The following PKHD1 variants were observed in gnomAD, a reference collection of about 807,000 sequenced individuals.
PKHD1 encodes the protein fibrocystin.
PKHD1 carries 291 observed loss-of-function variants against 412.0 expected under a neutral mutation model. That is an observed-to-expected ratio of 0.71 (90% CI 0.64 to 0.78). The LOEUF is 0.78. Ranked by LOEUF, PKHD1 falls within the 30% of genes least tolerant of loss-of-function variation. PKHD1 has a pLI of 0.00. For synonymous variants in PKHD1, 1,777 were observed against 1,821.5 expected, an observed-to-expected ratio of 0.98 and a Z score of 0.62; for missense variants, 4,825 against 4,950.7, an observed-to-expected ratio of 0.97 and a Z score of 0.76.
At chr6:51,680,962 C>G (rs17740574) in intron 60 of PKHD1, among the ~76,000 whole-genome samples, 4,851 of 151,906 alleles carry the variant, frequency 0.032, 83 homozygotes, top group Non-Finnish European at 0.039. Flanking sequence ...AGTTAAAAAT[C>G]GGTTGGTTGT....
chr6:51,877,028 T>A (rs1776723703), intron 46 of PKHD1, among the ~76,000 whole-genome samples: 1 of 38,768 alleles, frequency 2.6e-5, no homozygotes. Context: ...GGCCATTACA[T>A]AATGGTGAAG....
intron 49 of PKHD1, among the ~76,000 whole-genome samples, chr6:51,853,061 C>G (rs1393863523): frequency 6.6e-6 from 1 of 151,936 alleles, no homozygotes; most frequent in Non-Finnish European, 1.5e-5. Context: ...TTTTTCCTTT[C>G]CATATTTAGT....
intron 66 of PKHD1, 59 bp from the exon 67 acceptor site, chr6:51,619,579 A>C: frequency 7.4e-7 from 1 of 1,352,694 alleles, no homozygotes; most frequent in Non-Finnish European, 1.1e-6. Flanking sequence ...TTAATTACAC[A>C]TTTTGCATAC....
chr6:51,683,381 C>T (rs940944254), intron 60 of PKHD1, among the ~76,000 whole-genome samples: 4 of 152,014 alleles, frequency 2.6e-5, no homozygotes, highest in Admixed American at 2.0e-4. Context: ...TTTATTCAAA[C>T]TTTGAGGCAA....
At chr6:52,036,349 C>T (rs1433999089) in intron 27 of PKHD1, among the ~76,000 whole-genome samples, 3 of 152,250 alleles carry the variant, frequency 2.0e-5, no homozygotes, top group Non-Finnish European at 4.4e-5. Context: ...CACTAAAGAG[C>T]AACCACAGAA....
chr6:51,936,221 AT>A (rs1247993157), intron 36 of PKHD1, among the ~76,000 whole-genome samples: 1 of 152,180 alleles, frequency 6.6e-6, no homozygotes, highest in Non-Finnish European at 1.5e-5. Flanking sequence ...AAGTGCCTCT[AT>A]TTCCTTATAT....
chr6:51,718,301 G>T (rs1256115454), intron 60 of PKHD1, among the ~76,000 whole-genome samples: 2 of 152,116 alleles, frequency 1.3e-5, no homozygotes, highest in Non-Finnish European at 2.9e-5. Flanking sequence ...CTCTTTCACT[G>T]TGTCCAATTT....
chr6:51,922,742 C>T (rs576410131), intron 37 of PKHD1, among the ~76,000 whole-genome samples: 170 of 152,326 alleles, frequency 1.1e-3, no homozygotes, highest in African/African-American at 3.8e-3. Context: ...TGGGACCCTC[C>T]GAGCCAGGCA....
At chr6:51,674,413 C>T (rs573986971) in intron 60 of PKHD1, among the ~76,000 whole-genome samples, 1 of 152,266 alleles carries the variant, frequency 6.6e-6, no homozygotes, top group East Asian at 1.9e-4. Context: ...TTCCTCCTTT[C>T]CTTCCTTCTT....
intron 52 of PKHD1, among the ~76,000 whole-genome samples, chr6:51,793,066 T>C (rs1047636260): frequency 6.6e-6 from 1 of 152,146 alleles, no homozygotes; most frequent in Non-Finnish European, 1.5e-5. Context: ...AGACACTAAA[T>C]AAATGTCGTC....
chr6:51,885,301 T>C (rs374038784), intron 45 of PKHD1, among the ~76,000 whole-genome samples: 3 of 152,112 alleles, frequency 2.0e-5, no homozygotes, highest in African/African-American at 4.8e-5. Flanking sequence ...AAGAAAAAAA[T>C]AGAAGAAAAT....
intron 35 of PKHD1, among the ~76,000 whole-genome samples, chr6:51,968,405 G>A (rs1053450610): frequency 2.0e-5 from 3 of 152,042 alleles, no homozygotes; most frequent in African/African-American, 7.2e-5. Context: ...TTCTTTTCCT[G>A]CCTCTTTAGA....
At chr6:51,779,438 T>C (rs1791611079) in intron 53 of PKHD1, among the ~76,000 whole-genome samples, 1 of 152,128 alleles carries the variant, frequency 6.6e-6, no homozygotes, top group Non-Finnish European at 1.5e-5. Flanking sequence ...GAATGCCATG[T>C]TTTGCTACAA....
At chr6:51,931,731 G>A (rs1786624114) in intron 37 of PKHD1, among the ~76,000 whole-genome samples, 1 of 152,284 alleles carries the variant, frequency 6.6e-6, no homozygotes, top group South Asian at 2.1e-4. Flanking sequence ...TGTGATTCAG[G>A]TGAGATCCTA....
At chr6:51,935,768 G>T (rs553897420) in intron 36 of PKHD1, among the ~76,000 whole-genome samples, 43 of 152,298 alleles carry the variant, frequency 2.8e-4, no homozygotes, top group African/African-American at 1.0e-3. Context: ...CAGGGCATAA[G>T]CTCTTCCCTC....
intron 55 of PKHD1, among the ~76,000 whole-genome samples, chr6:51,768,736 C>T (rs973071155): frequency 8.6e-5 from 13 of 151,552 alleles, no homozygotes; most frequent in Admixed American, 7.2e-4. Flanking sequence ...TTGTAACAAA[C>T]GATAATATTT....
At chr6:52,069,149 CT>C (rs1034436065) in intron 11 of PKHD1, among the ~76,000 whole-genome samples, 1 of 152,154 alleles carries the variant, frequency 6.6e-6, no homozygotes. Context: ...TGCTTTAAGA[CT>C]TTTTAAGTGC....
At chr6:51,971,669 C>T (rs913434120) in intron 35 of PKHD1, among the ~76,000 whole-genome samples, 3 of 151,826 alleles carry the variant, frequency 2.0e-5, no homozygotes, top group South Asian at 2.1e-4. Context: ...AGGGGGATAA[C>T]GAAGTTTTTT....
chr6:52,084,746 A>G, intron 2 of PKHD1, 136 bp downstream of exon 2: 1 of 741,808 alleles, frequency 1.3e-6, no homozygotes, highest in South Asian at 1.4e-5. Flanking sequence ...TTTTTAACTC[A>G]ATTTTTTGAT....
Sources: gnomAD v4.1 joint callset for allele counts (sites outside exome capture counted in the v4.1 genomes callset) on GRCh38, gnomAD v4.1.1 for gene constraint, MANE v1.5 for transcripts, NCBI Gene and HGNC (gene_info 2026-07-23, HGNC 2026-07-21) for gene names.